ILRUN: variants seen among roughly 807,000 people sequenced by gnomAD.
ILRUN encodes the protein inflammation and lipid regulator with UBA-like and NBR1-like domains, also known as protein ILRUN.
A neutral mutation model predicts 33.8 loss-of-function variants in ILRUN; 3 were observed. That is an observed-to-expected ratio of 0.09 (90% confidence interval 0.04 to 0.23). The LOEUF (loss-of-function observed/expected upper bound fraction) is 0.23, where lower values mean the gene tolerates loss of function less well. Among genes scored for constraint, ILRUN ranks in the 10% least tolerant of loss-of-function variants. The probability of loss-of-function intolerance (pLI) is 1.00; values close to 1 mark genes in which losing one functional copy is unlikely to be tolerated. For synonymous variants in ILRUN, 124 were observed against 138.9 expected, an observed-to-expected ratio of 0.89 and a Z score of 0.75; for missense variants, 210 against 375.1, an observed-to-expected ratio of 0.56 and a Z score of 3.64.
chr6:34,663,826 T>C (rs1762942432), intron 1 of ILRUN, among the ~76,000 whole-genome samples: 1 of 152,236 alleles, frequency 6.6e-6, no homozygotes, highest in African/African-American at 2.4e-5. Flanking sequence ...CCCTGGAACC[T>C]ATGAATATGT....
At chr6:34,665,697 G>C (rs1231039264) in intron 1 of ILRUN, among the ~76,000 whole-genome samples, 1 of 151,928 alleles carries the variant, frequency 6.6e-6, no homozygotes, top group East Asian at 1.9e-4. Context: ...CCAAAGTGCT[G>C]GGATTACAAG....
At chr6:34,686,783 C>T (rs557274015) in intron 1 of ILRUN, 1 of 151,492 alleles carries the variant, frequency 6.6e-6, no homozygotes, top group African/African-American at 2.6e-5. Flanking sequence ...GGTGAAACCC[C>T]GTCTCTACTA....
At chr6:34,601,702 C>CCCA (rs1247929496) in intron 4 of ILRUN, among the ~76,000 whole-genome samples, 34 of 122,782 alleles carry the variant, frequency 2.8e-4, no homozygotes, top group East Asian at 8.8e-4. Context: ...TCCTCCAGTA[C>CCCA]CCGCCCCCCC....
intron 4 of ILRUN, among the ~76,000 whole-genome samples, chr6:34,591,579 G>A (rs142489096): frequency 1.3e-5 from 2 of 150,382 alleles, no homozygotes; most frequent in Admixed American, 6.6e-5. Flanking sequence ...AGTTCACTGC[G>A]AGCTCCGCCT....
At chr6:34,593,267 G>A (rs1033164294) in intron 4 of ILRUN, among the ~76,000 whole-genome samples, 36 of 152,114 alleles carry the variant, frequency 2.4e-4, no homozygotes, top group African/African-American at 7.5e-4. Context: ...AACAGCATTT[G>A]CTTCCTATGA....
intron 3 of ILRUN, among the ~76,000 whole-genome samples, chr6:34,637,913 G>C (rs1020226077): frequency 7.7e-6 from 1 of 130,420 alleles, no homozygotes; most frequent in Non-Finnish European, 1.6e-5. Flanking sequence ...TTGAAACTGG[G>C]TCTCACTCTG....
chr6:34,614,433 A>ATATATATATATATATATATATAT, intron 3 of ILRUN, among the ~76,000 whole-genome samples: 1 of 104,454 alleles, frequency 9.6e-6, no homozygotes, highest in African/African-American at 4.4e-5. Context: ...AAAAATAATA[A>ATATATATATATATATATATATAT]AAAAAAAAAA....
At chr6:34,636,856 C>CT (rs1762375882) in intron 3 of ILRUN, among the ~76,000 whole-genome samples, 1 of 152,204 alleles carries the variant, frequency 6.6e-6, no homozygotes, top group South Asian at 2.1e-4. Flanking sequence ...TTACTAAAAA[C>CT]TCCCATCACA....
chr6:34,629,424 T>A (rs1205217447), intron 3 of ILRUN, among the ~76,000 whole-genome samples: 2 of 152,170 alleles, frequency 1.3e-5, no homozygotes, highest in Non-Finnish European at 2.9e-5. Context: ...TGCCTCAGAC[T>A]CCCAAAGTGC....
At chr6:34,617,499 A>G (rs1323933025) in intron 3 of ILRUN, among the ~76,000 whole-genome samples, 1 of 152,168 alleles carries the variant, frequency 6.6e-6, no homozygotes, top group Non-Finnish European at 1.5e-5. Flanking sequence ...TCAGCACAGT[A>G]GCCACGCTCC....
chr6:34,587,827 C>T lies in ILRUN; in HGVS notation c.*2738G>A, dbSNP rs912211363. 7 of 385,706 alleles carry T rather than the reference C, an allele frequency of 1.8e-5. No individual in the cohort carries two copies. Among genetic ancestry groups the T allele is most frequent in the African/African-American group, 1.2e-4 (6 of 48,404 alleles). 23.9% of individuals were successfully genotyped at this position (385,706 alleles called of 1,614,324 possible). On this transcript the variant is annotated 3_prime_UTR_variant, in exon 5 of 5. Transcript: ENST00000374023. ...ACACACACACACCTCACTCCATGCA[C>T]ACTGACAGATTCTTCCCAAGTCTGA...
chr6:34,670,865 A>G (rs1393373364), intron 1 of ILRUN, among the ~76,000 whole-genome samples: 1 of 151,390 alleles, frequency 6.6e-6, no homozygotes, highest in Admixed American at 6.6e-5. Flanking sequence ...AAAAAAAAGA[A>G]AAGAAAAAAA....
rs1195273242 is a variant in ILRUN at position 34,588,853 on chromosome 6, AAC to A, written c.*1710_*1711del. 3.3e-5 allele frequency: 5 copies of A among 152,656 alleles called. No homozygotes were observed. Among genetic ancestry groups the A allele is most frequent in the Non-Finnish European group, 7.3e-5 (5 of 68,076 alleles). The allele number at this position is 152,656 out of a possible 1,614,324, so 9.5% of individuals were successfully genotyped here. On this transcript the variant is annotated 3_prime_UTR_variant, in exon 5 of 5. Transcript: ENST00000374023. ...TCCCACAATCAAGCTCTAAAAAAAC[AAC>A]AGTCTCAGAAGAGGATGAGGAGGAA...
Position 34,668,690 on chromosome 6 carries a change from T to C in ILRUN, c.159-13911A>G, listed in dbSNP as rs888395088. 2.6e-5 allele frequency among the ~76,000 whole-genome samples: 4 copies of C among 152,146 alleles called. No homozygotes were observed. The East Asian group carries it at 7.7e-4, about 29-fold the overall frequency. On this transcript the variant is annotated intron_variant, in intron 1 of 4. Coordinates refer to ENST00000374023, the MANE Select transcript of ILRUN (RefSeq NM_024294.4). ...GAACTCTGAAACCTTCTTTTCTTTTTTTGGAGACAGTCTCACTCTGTCGCT... is the reference window on the plus strand; with the variant it reads ...GAACTCTGAAACCTTCTTTTCTTTTCTTGGAGACAGTCTCACTCTGTCGCT...
chr6:34,587,885 T>G lies in ILRUN; in HGVS notation c.*2680A>C. On this transcript the variant is annotated 3_prime_UTR_variant, in exon 5 of 5. Coordinates refer to ENST00000374023, the MANE Select transcript of ILRUN (RefSeq NM_024294.4). ...TGTCTCCCCAACTGGGTTCAGACCCTATCACCTAACCATGGTGTCTGCCTC... is the reference window on the plus strand; with the variant it reads ...TGTCTCCCCAACTGGGTTCAGACCCGATCACCTAACCATGGTGTCTGCCTC... 2.6e-6 allele frequency: 1 copy of G among 390,598 alleles called. No individual in the cohort carries two copies. The highest frequency in any genetic ancestry group is 4.5e-6 in the Non-Finnish European group (1 of 224,332). The allele number at this position is 390,598 out of a possible 1,614,324, so 24.2% of individuals were successfully genotyped here.
At chr6:34,661,249 T>A (rs1052072856) in intron 1 of ILRUN, among the ~76,000 whole-genome samples, 6 of 152,234 alleles carry the variant, frequency 3.9e-5, no homozygotes, top group Non-Finnish European at 8.8e-5. Context: ...TCCTTGTTTT[T>A]AAAAAATACA....
chr6:34,616,760 G>A (rs1247710248), intron 3 of ILRUN: 7 of 704,526 alleles, frequency 9.9e-6, no homozygotes, highest in East Asian at 2.5e-5. Flanking sequence ...CAACTTCTAT[G>A]TACCTGCAGA....
intron 3 of ILRUN, among the ~76,000 whole-genome samples, chr6:34,628,627 C>T (rs562489605): frequency 9.9e-5 from 15 of 152,156 alleles, no homozygotes; most frequent in African/African-American, 2.2e-4. Flanking sequence ...CCACCACGCC[C>T]GGCCCACCTT....
intron 3 of ILRUN, among the ~76,000 whole-genome samples, chr6:34,615,738 G>A (rs960719339): frequency 5.3e-5 from 8 of 152,154 alleles, no homozygotes; most frequent in Non-Finnish European, 1.0e-4. Context: ...ACCATCATGC[G>A]CCCAAGTCCT....
Sources: gnomAD v4.1 joint callset for allele counts (sites outside exome capture counted in the v4.1 genomes callset) on GRCh38, gnomAD v4.1.1 for gene constraint, MANE v1.5 for transcripts, NCBI Gene and HGNC (gene_info 2026-07-23, HGNC 2026-07-21) for gene names.